ATP8B2: variants seen among roughly 807,000 people sequenced by gnomAD.
ATP8B2 encodes phospholipid-transporting ATPase ID.
In ATP8B2, 70 loss-of-function variants were observed where a neutral mutation model predicts 133.4. The observed-to-expected ratio is 0.52, with a 90% CI of 0.43 to 0.64. ATP8B2 has a LOEUF of 0.64. Ranked by LOEUF, ATP8B2 falls within the 30% of genes least tolerant of loss-of-function variation. ATP8B2 has a pLI of 0.00. For synonymous variants in ATP8B2, 517 were observed against 589.5 expected, an observed-to-expected ratio of 0.88 and a Z score of 1.78; for missense variants, 1,101 against 1,535.7, an observed-to-expected ratio of 0.72 and a Z score of 4.73.
chr1:154,344,310 T>C lies in ATP8B2; in HGVS notation c.2035+56T>C. The C allele has an allele frequency of 6.2e-7, 1 of 1,614,154 alleles. No homozygotes were observed. The highest frequency in any genetic ancestry group is 8.5e-7 in the Non-Finnish European group (1 of 1,180,014). Reference sequence around the variant, plus strand: ...AACTGACAGTAGCCCTGTTGGACCCTTGCATGGAGCCGAGGACATCAGGCA... The same window carrying C: ...AACTGACAGTAGCCCTGTTGGACCCCTGCATGGAGCCGAGGACATCAGGCA... On this transcript the variant is annotated intron_variant, in intron 19 of 27. Coordinates refer to ENST00000368489, the MANE Select transcript of ATP8B2 (RefSeq NM_001370597.1). The surrounding 1 kb of genome is among the most constrained non-coding windows in gnomAD (Gnocchi z 4.1).
In ATP8B2 at chr1:154,344,279, A is replaced by G. The variant is rs1170148086; in HGVS notation, c.2035+25A>G. The G allele has an allele frequency of 6.2e-7, 1 of 1,614,100 alleles. No homozygotes were observed. The highest frequency in any genetic ancestry group is 2.2e-5 in the East Asian group (1 of 44,886). ...GGTGAGAGCCCAGCAGGGCAGAGCC[A>G]GTTGCAACTGACAGTAGCCCTGTTG... On this transcript the variant is annotated intron_variant, in intron 19 of 27. Transcript: ENST00000368489. The surrounding 1 kb of genome is among the most constrained non-coding windows in gnomAD (Gnocchi z 4.1).
rs2149170516 is a variant in ATP8B2, at chr1:154,340,804, G to A, written c.1035-50G>A. 6.3e-7 allele frequency: 1 copy of A among 1,575,334 alleles called. No homozygotes were observed. Among genetic ancestry groups the A allele is most frequent in the Non-Finnish European group, 8.7e-7 (1 of 1,146,810 alleles). ...TGCAGCGAAGGCCCATGTGGGTGGG[G>A]CACCTCCTCTTCTTCCCGACCCAAG... On this transcript the variant is annotated intron_variant, in intron 12 of 27. Coordinates refer to ENST00000368489, the MANE Select transcript of ATP8B2 (RefSeq NM_001370597.1). This position sits in a 1 kb window ranked among gnomAD's most constrained non-coding sequence, Gnocchi z 4.0.
rs1054648833 is a variant in ATP8B2 at position 154,346,931 on chromosome 1, G to A, written c.3163+173G>A. ...AGTCTTGCCCAGGCTGGAGTGCAGT[G>A]GTGCGATCTCGGCTCACTGCAGCCT... On this transcript the variant is annotated intron_variant, in intron 26 of 27. Coordinates refer to ENST00000368489, the MANE Select transcript of ATP8B2 (RefSeq NM_001370597.1). The surrounding 1 kb of genome is among the most constrained non-coding windows in gnomAD (Gnocchi z 4.5). 2.0e-5 allele frequency among the ~76,000 whole-genome samples: 3 copies of A among 152,066 alleles called. No individual in the cohort carries two copies. The highest frequency in any genetic ancestry group is 4.4e-5 in the Non-Finnish European group (3 of 68,020).
Position 154,334,442 on chromosome 1 carries a change from G to A in ATP8B2, c.749-61G>A. 6.3e-7 allele frequency: 1 copy of A among 1,577,930 alleles called. No homozygotes were observed. The highest frequency in any genetic ancestry group is 8.7e-7 in the Non-Finnish European group (1 of 1,148,572). On this transcript the variant is annotated intron_variant, in intron 10 of 27. Transcript: ENST00000368489. The surrounding 1 kb of genome is among the most constrained non-coding windows in gnomAD (Gnocchi z 4.6). ...TGGTGTCCTGCAGTCTGGGGATCAG[G>A]GCAGAAGCCCAGAGGCAGATGTGTT...
intron 4 of ATP8B2, 53 bp downstream of exon 4, chr1:154,330,981 G>C (rs1477758471): frequency 2.0e-5 from 32 of 1,601,316 alleles, no homozygotes; most frequent in Non-Finnish European, 2.7e-5. Flanking sequence ...ATAAAGCCAA[G>C]GAAGAGGAAA....
At position 154,346,769 on chromosome 1, in the gene ATP8B2, G is replaced by A. The variant is rs748676523; in HGVS notation, c.3163+11G>A. ...AGTTCCGGTTTGTGGGTAAGTCCCC[G>A]TGGCCTCCTTGAATCGGTGAGGAAT... On this transcript the variant is annotated intron_variant, in intron 26 of 27. Coordinates refer to ENST00000368489, the MANE Select transcript of ATP8B2 (RefSeq NM_001370597.1). The surrounding 1 kb of genome is among the most constrained non-coding windows in gnomAD (Gnocchi z 4.5). 60 of 1,613,644 alleles carry A rather than the reference G, an allele frequency of 3.7e-5. No homozygotes were observed. The highest frequency in any genetic ancestry group is 4.5e-5 in the Non-Finnish European group (53 of 1,179,736).
At chr1:154,326,981 T>C (rs191961668) in intron 1 of ATP8B2, among the ~76,000 whole-genome samples, 3 of 152,230 alleles carry the variant, frequency 2.0e-5, no homozygotes, top group South Asian at 4.1e-4. Context: ...ACTGCCATAG[T>C]TGGAGAAGGT....
chr1:154,349,087 G>A lies in ATP8B2; in HGVS notation c.3542G>A (p.Ser1181Asn), dbSNP rs774904798. The A allele has an allele frequency of 2.5e-6, 4 of 1,614,176 alleles. No individual in the cohort carries two copies. Among genetic ancestry groups the A allele is most frequent in the East Asian group, 4.5e-5 (2 of 44,874 alleles). Residue 1181 changes from serine to asparagine, a missense_variant, in exon 28 of 28, where the codon AGT (serine) becomes AAT (asparagine). By Grantham distance (46) the Ser-to-Asn change is conservative. Transcript: ENST00000368489. ...AAGAGTGACAGTGCCAGTAGCCCCA[G>A]TGGCGGTGCCGACAAGCCCCTCAAG... Reference protein sequence around the residue: ...RKKSDSASSPSGGADKPLKG With the variant: ...RKKSDSASSPNGGADKPLKG
At position 154,328,543 on chromosome 1, in the gene ATP8B2, G is replaced by T. The variant is rs985167178; in HGVS notation, c.31+371G>T. Among the ~76,000 whole-genome samples, 6 of 151,954 alleles carry T rather than the reference G, an allele frequency of 3.9e-5. No individual in the cohort carries two copies. The highest frequency in any genetic ancestry group is 6.6e-5 in the Admixed American group (1 of 15,252). The stretch of plus-strand genomic sequence containing the variant: ...TTCTCCTGGTTTTTCCGCGGGCGGG[G>T]GTGTGTGTGTGTGAAAGCGGTTGCC... On this transcript the variant is annotated intron_variant, in intron 2 of 27. Transcript: ENST00000368489. This position sits in a 1 kb window ranked among gnomAD's most constrained non-coding sequence, Gnocchi z 4.6.
In ATP8B2 at chr1:154,334,906, CATGGGG is replaced by C. The variant is rs1686123400; in HGVS notation, c.837+320_837+325del. On this transcript the variant is annotated intron_variant, in intron 11 of 27. Coordinates refer to ENST00000368489, the MANE Select transcript of ATP8B2 (RefSeq NM_001370597.1). The surrounding 1 kb of genome is among the most constrained non-coding windows in gnomAD (Gnocchi z 4.6). ...CTTTTGCCAGGGACAAGGAGGCCTT[CATGGGG>C]ATGGAGAGGGAATTAAAAGAAAAAT... Among the ~76,000 whole-genome samples, 1 of 152,118 alleles carries C rather than the reference CATGGGG, an allele frequency of 6.6e-6. No homozygotes were observed. The highest frequency in any genetic ancestry group is 2.1e-4 in the South Asian group (1 of 4,818).
chr1:154,349,397 A>C lies in ATP8B2; in HGVS notation c.*279A>C. On this transcript the variant is annotated 3_prime_UTR_variant, in exon 28 of 28. Transcript: ENST00000368489. The stretch of plus-strand genomic sequence containing the variant: ...GGGGACCAGAAGTGGAACCAAAAAC[A>C]AGAAAAAACTGTGAGAGATTGTGTC... The C allele has an allele frequency of 2.1e-6, 1 of 474,966 alleles. No homozygotes were observed. Among genetic ancestry groups the C allele is most frequent in the Non-Finnish European group, 3.8e-6 (1 of 261,608 alleles). 29.4% of individuals were successfully genotyped at this position (474,966 alleles called of 1,614,324 possible). A position where few individuals can be genotyped will look rare whatever the true frequency, so the allele number is the denominator to read the frequency against.
chr1:154,330,492 T>C (rs949017669), intron 3 of ATP8B2, 38 bp downstream of exon 3: 5 of 1,599,434 alleles, frequency 3.1e-6, no homozygotes, highest in Non-Finnish European at 4.3e-6. Flanking sequence ...TCTCTCTGTT[T>C]GGAGAGGGGA....
rs1310095446 is a variant in ATP8B2 at position 154,349,443 on chromosome 1, C to T, written c.*325C>T. ...GTGTCTGCCCCTGCCCTGCCTGGGACCCACAGGGAGACTATAATCTCCTTA... is the reference window on the plus strand; with the variant it reads ...GTGTCTGCCCCTGCCCTGCCTGGGATCCACAGGGAGACTATAATCTCCTTA... On this transcript the variant is annotated 3_prime_UTR_variant, in exon 28 of 28. Transcript: ENST00000368489. 5.5e-6 allele frequency: 2 copies of T among 365,832 alleles called. No homozygotes were observed. Among genetic ancestry groups the T allele is most frequent in the Non-Finnish European group, 1.0e-5 (2 of 195,092 alleles). The allele number at this position is 365,832 out of a possible 1,614,324, so 22.7% of individuals were successfully genotyped here.
Position 154,348,889 on chromosome 1 carries a change from G to A in ATP8B2, c.3344G>A (p.Cys1115Tyr). Reference protein sequence around the residue: ...VRKKQKAQHRCMRRVGRTGSR... With the variant: ...VRKKQKAQHRYMRRVGRTGSR... The stretch of plus-strand genomic sequence containing the variant: ...AAGAAGCAGAAGGCCCAGCACCGCT[G>A]CATGCGGCGGGTTGGCCGCACTGGC... The change falls in exon 28 of 28, where the codon TGC (cysteine) becomes TAC (tyrosine). Residue 1115 changes from cysteine to tyrosine, a missense_variant. By Grantham distance (194) the Cys-to-Tyr change is radical. Coordinates refer to ENST00000368489, the MANE Select transcript of ATP8B2 (RefSeq NM_001370597.1). 1 of 1,613,520 alleles carries A rather than the reference G, an allele frequency of 6.2e-7. No homozygotes were observed. The highest frequency in any genetic ancestry group is 8.5e-7 in the Non-Finnish European group (1 of 1,179,604).
At position 154,337,499 on chromosome 1, in the gene ATP8B2, A is replaced by AACAC; in HGVS notation, c.989_990insACAC (p.Tyr330Ter). On this transcript the variant is annotated stop_gained and frameshift_variant, in exon 12 of 28. Transcript: ENST00000368489. LOFTEE classifies it high-confidence loss of function. ...TCTGGCTTCCTCTCCTTCTGGTCCT[A>AACAC]CATCATCATCCTCAACACCGTTGTG... The AACAC allele has an allele frequency of 6.2e-7, 1 of 1,614,148 alleles. No individual in the cohort carries two copies. Among genetic ancestry groups the AACAC allele is most frequent in the Non-Finnish European group, 8.5e-7 (1 of 1,180,028 alleles).
In ATP8B2 at chr1:154,327,766, G is replaced by A. The variant is rs778375392; in HGVS notation, c.-37-339G>A. ...GTAAGCACAAGCACTACTCATTGCC[G>A]CCAGAACACATGAGAGCCTCCATTG... On this transcript the variant is annotated intron_variant, in intron 1 of 27. Transcript: ENST00000368489. The A allele has an allele frequency of 1.9e-5, 31 of 1,599,834 alleles. No individual in the cohort carries two copies. In the South Asian group the frequency reaches 3.0e-4, roughly 15 times the overall value.
chr1:154,328,666 T>G lies in ATP8B2; in HGVS notation c.31+494T>G, dbSNP rs1426712718. 2 of 614,616 alleles carry G rather than the reference T, an allele frequency of 3.3e-6. No homozygotes were observed. Among genetic ancestry groups the G allele is most frequent in the African/African-American group, 4.0e-5 (2 of 50,432 alleles). 38.1% of individuals were successfully genotyped at this position (614,616 alleles called of 1,614,324 possible). A position where few individuals can be genotyped will look rare whatever the true frequency, so the allele number is the denominator to read the frequency against. On this transcript the variant is annotated intron_variant, in intron 2 of 27. Transcript: ENST00000368489. The surrounding 1 kb of genome is among the most constrained non-coding windows in gnomAD (Gnocchi z 4.6). ...GCGAGCTTTCGCCTACGCGGCGCGC[T>G]GGCAGGCTGCGGCTCCTGCAGTCGG... is the stretch of plus-strand genomic sequence containing the variant.
chr1:154,346,375 G>A lies in ATP8B2; in HGVS notation c.2923G>A (p.Val975Met), dbSNP rs1324617039. The change falls in exon 25 of 28, where the codon GTG (valine) becomes ATG (methionine). Residue 975 changes from valine (V) to methionine (M), a missense_variant. Physicochemically the swap from Val to Met is conservative, Grantham distance 21 (BLOSUM62 1). Transcript: ENST00000368489. The surrounding 1 kb of genome is among the most constrained non-coding windows in gnomAD (Gnocchi z 4.5). ...GCTCATGTTCTTCATTCCCTATGGG[G>A]TGTTTGCTGATGCCACCCGGGATGA... Reference protein sequence around the residue: ...SVLMFFIPYGVFADATRDDGT... With the variant: ...SVLMFFIPYGMFADATRDDGT... The A allele has an allele frequency of 3.7e-6, 6 of 1,614,086 alleles. No individual in the cohort carries two copies. In the African/African-American group the frequency reaches 8.0e-5, roughly 22 times the overall value.
intron 12 of ATP8B2, chr1:154,337,923 C>T: frequency 4.1e-6 from 2 of 486,856 alleles, no homozygotes; most frequent in Non-Finnish European, 6.8e-6. Flanking sequence ...AAAATAGGAA[C>T]CAGTGCTGTA....
Sources: gnomAD v4.1 joint callset for allele counts (sites outside exome capture counted in the v4.1 genomes callset) on GRCh38, gnomAD v4.1.1 for gene constraint, Gnocchi (gnomAD v3.1) non-coding constraint, MANE v1.5 for transcripts, NCBI Gene and HGNC (gene_info 2026-07-23, HGNC 2026-07-21) for gene names.